Variants in RPS6KC1 observed in about 807,000 individuals in gnomAD.
RPS6KC1 encodes inactive ribosomal protein S6 kinase delta-1.
A neutral mutation model predicts 103.8 loss-of-function variants in RPS6KC1; 54 were observed. The observed-to-expected ratio is 0.52, with a 90% confidence interval of 0.42 to 0.65. The LOEUF is 0.65. Among genes scored for constraint, RPS6KC1 ranks in the 30% least tolerant of loss-of-function variants. The pLI, the probability that RPS6KC1 is intolerant of heterozygous loss-of-function variation, is 0.00. For missense variants in RPS6KC1, 1,151 were observed against 1,253.8 expected, an observed-to-expected ratio of 0.92 and a Z score of 1.24; for synonymous variants, 439 against 438.7, an observed-to-expected ratio of 1.00 and a Z score of -0.01.
At chr1:213,587,474 T>C in the RPS6KC1 span, among the ~76,000 whole-genome samples, 2 of 152,158 alleles carry the variant, frequency 1.3e-5, no homozygotes, top group Admixed American at 6.5e-5. Flanking sequence ...AGGGTTTTCA[T>C]TGGGTAGATG....
chr1:213,444,912 G>A, the RPS6KC1 span, among the ~76,000 whole-genome samples: 65 of 152,120 alleles, frequency 4.3e-4, no homozygotes, highest in African/African-American at 1.4e-3. Flanking sequence ...ATGACTTTTC[G>A]TTTATTCACA....
At chr1:213,227,750 C>T (rs535944077) in intron 8 of RPS6KC1, among the ~76,000 whole-genome samples, 2 of 152,216 alleles carry the variant, frequency 1.3e-5, no homozygotes, top group Admixed American at 1.3e-4. Flanking sequence ...CACCTGAGAG[C>T]CAGCAGCCAT....
chr1:213,424,291 G>C, the RPS6KC1 span, among the ~76,000 whole-genome samples: 1 of 152,124 alleles, frequency 6.6e-6, no homozygotes, highest in Non-Finnish European at 1.5e-5. Context: ...TTCTTTTCTT[G>C]TTCTTTCCAA....
At chr1:213,494,981 C>T in the RPS6KC1 span, among the ~76,000 whole-genome samples, 1 of 150,548 alleles carries the variant, frequency 6.6e-6, no homozygotes, top group African/African-American at 2.4e-5. Context: ...TTCTTAGCTA[C>T]ATTAAATTTC....
downstream of RPS6KC1, among the ~76,000 whole-genome samples, chr1:213,279,082 C>G (rs2095118012): frequency 3.9e-5 from 6 of 152,180 alleles, no homozygotes; most frequent in South Asian, 1.2e-3. Context: ...GGACTTCATT[C>G]TCTAGGTTGT....
chr1:213,081,181 A>T (rs908004316), intron 3 of RPS6KC1, among the ~76,000 whole-genome samples: 1 of 152,182 alleles, frequency 6.6e-6, no homozygotes, highest in Non-Finnish European at 1.5e-5. Context: ...GCTACAAAGG[A>T]ATACCCGGGG....
chr1:213,536,391 G>A, the RPS6KC1 span, among the ~76,000 whole-genome samples: 1 of 152,166 alleles, frequency 6.6e-6, no homozygotes. Flanking sequence ...CGGAATTTAT[G>A]CATTGGGCAG....
At chr1:213,319,605 CTT>C in the RPS6KC1 span, among the ~76,000 whole-genome samples, 26 of 152,204 alleles carry the variant, frequency 1.7e-4, no homozygotes, top group African/African-American at 6.3e-4. Context: ...ATGATGAAGA[CTT>C]TGCAGATGTA....
chr1:213,734,870 C>T, the RPS6KC1 span, among the ~76,000 whole-genome samples: 3 of 152,220 alleles, frequency 2.0e-5, no homozygotes, highest in East Asian at 1.9e-4. Context: ...CCTGTGGCAT[C>T]GGCTGCCCTG....
At chr1:213,791,301 G>A in the RPS6KC1 span, among the ~76,000 whole-genome samples, 2 of 152,158 alleles carry the variant, frequency 1.3e-5, no homozygotes, top group Non-Finnish European at 2.9e-5. Context: ...AGGGTAGTCA[G>A]CCTTATGTTC....
the RPS6KC1 span, among the ~76,000 whole-genome samples, chr1:213,708,019 A>G: frequency 6.6e-6 from 1 of 152,216 alleles, no homozygotes; most frequent in Non-Finnish European, 1.5e-5. Flanking sequence ...TGCCTTGGCT[A>G]TACTGGCTCT....
chr1:213,630,338 A>G, the RPS6KC1 span, among the ~76,000 whole-genome samples: 1 of 152,114 alleles, frequency 6.6e-6, no homozygotes, highest in Non-Finnish European at 1.5e-5. Flanking sequence ...TTGATCTTCC[A>G]TCACTGACAC....
At chr1:213,636,229 A>C in the RPS6KC1 span, among the ~76,000 whole-genome samples, 1 of 152,212 alleles carries the variant, frequency 6.6e-6, no homozygotes. Context: ...ATCCCTATCA[A>C]GCTATCAATG....
chr1:213,169,773 A>C (rs770297068), intron 7 of RPS6KC1, among the ~76,000 whole-genome samples: 32 of 149,912 alleles, frequency 2.1e-4, no homozygotes, highest in South Asian at 8.4e-4. Context: ...AAATTTTTAA[A>C]TTTTTAAGTT....
chr1:213,696,416 C>T, the RPS6KC1 span, among the ~76,000 whole-genome samples: 4 of 147,848 alleles, frequency 2.7e-5, no homozygotes, highest in East Asian at 2.0e-4. Context: ...GCAGGAGAAT[C>T]GCTTGAACCC....
chr1:213,551,288 G>A, the RPS6KC1 span, among the ~76,000 whole-genome samples: 1 of 152,156 alleles, frequency 6.6e-6, no homozygotes, highest in African/African-American at 2.4e-5. Context: ...AAGGACATAG[G>A]CTGTTTCCAT....
At chr1:213,814,485 T>C in the RPS6KC1 span, among the ~76,000 whole-genome samples, 1 of 152,216 alleles carries the variant, frequency 6.6e-6, no homozygotes, top group East Asian at 1.9e-4. Context: ...ATATGCTTTC[T>C]TGGATCCATC....
At chr1:213,157,514 G>A (rs1451636591) in intron 6 of RPS6KC1, among the ~76,000 whole-genome samples, 1 of 152,098 alleles carries the variant, frequency 6.6e-6, no homozygotes, top group Non-Finnish European at 1.5e-5. Context: ...GCCTTTAATT[G>A]TTGATTTCTA....
chr1:213,052,855 A>G (rs1353888021), intron 1 of RPS6KC1, among the ~76,000 whole-genome samples: 5 of 152,156 alleles, frequency 3.3e-5, no homozygotes, highest in Non-Finnish European at 1.5e-5. Flanking sequence ...GAAGAATCTT[A>G]AAGGTTAAAT....
Sources: gnomAD v4.1 joint callset for allele counts (sites outside exome capture counted in the v4.1 genomes callset) on GRCh38, gnomAD v4.1.1 for gene constraint, MANE v1.5 for transcripts, NCBI Gene and HGNC (gene_info 2026-07-23, HGNC 2026-07-21) for gene names.